KIAA1671: variants seen among roughly 807,000 people sequenced by gnomAD.
KIAA1671 encodes uncharacterized protein KIAA1671.
KIAA1671 carries 52 observed loss-of-function variants against 131.2 expected under a neutral mutation model. The ratio of observed to expected loss-of-function variants is 0.40; its 90% CI spans 0.32 to 0.50. The LOEUF (loss-of-function observed/expected upper bound fraction) is 0.50. Among genes scored for constraint, KIAA1671 ranks in the 20% least tolerant of loss-of-function variants. KIAA1671 has a pLI of 0.73. For synonymous variants in KIAA1671, 1,003 were observed against 961.6 expected, an observed-to-expected ratio of 1.04 and a Z score of -0.80; for missense variants, 2,360 against 2,364.2, an observed-to-expected ratio of 1.00 and a Z score of 0.04.
intron 6 of KIAA1671, among the ~76,000 whole-genome samples, chr22:25,073,439 G>A (rs965912493): frequency 4.6e-5 from 7 of 152,066 alleles, no homozygotes; most frequent in Non-Finnish European, 8.8e-5. Context: ...AGATGTTTTG[G>A]TATATATACA....
intron 6 of KIAA1671, among the ~76,000 whole-genome samples, chr22:25,153,297 A>G (rs113409964): frequency 0.028 from 4,225 of 152,002 alleles, 91 homozygotes; most frequent in Middle Eastern, 0.061. Context: ...GTAGTTCTCA[A>G]CCTGGTGTGA....
chr22:25,078,813 A>G (rs1358179633), intron 6 of KIAA1671, among the ~76,000 whole-genome samples: 1 of 152,150 alleles, frequency 6.6e-6, no homozygotes, highest in Non-Finnish European at 1.5e-5. Context: ...GCCATGGAAC[A>G]GTTTGCATCA....
intron 6 of KIAA1671, among the ~76,000 whole-genome samples, chr22:25,099,844 A>G (rs1402497158): frequency 6.6e-6 from 1 of 152,012 alleles, no homozygotes; most frequent in African/African-American, 2.4e-5. Context: ...ACTCGTTCCA[A>G]TGGTGGGATT....
At chr22:25,001,095 C>CTT (rs1374826838) in intron 1 of KIAA1671, among the ~76,000 whole-genome samples, 1 of 150,400 alleles carries the variant, frequency 6.6e-6, no homozygotes, top group Non-Finnish European at 1.5e-5. Context: ...ACTGAGTTGT[C>CTT]TTTTTTCTTA....
chr22:24,969,792 C>T (rs144144585), intron 1 of KIAA1671, among the ~76,000 whole-genome samples: 21 of 152,274 alleles, frequency 1.4e-4, no homozygotes, highest in Admixed American at 1.1e-3. Context: ...GCTTTGTGAC[C>T]GTAGGGAGAT....
At chr22:25,057,857 T>A (rs1021296395) in intron 6 of KIAA1671, 2 of 152,274 alleles carry the variant, frequency 1.3e-5, no homozygotes, top group Non-Finnish European at 2.9e-5. Flanking sequence ...CCCAGGCTGG[T>A]CTTAAACTCC....
intron 1 of KIAA1671, among the ~76,000 whole-genome samples, chr22:24,953,198 A>G (rs566235998): frequency 1.3e-5 from 2 of 152,234 alleles, no homozygotes; most frequent in South Asian, 2.1e-4. Context: ...GAGAGGATCA[A>G]TCTCCTCCCA....
At chr22:24,964,190 A>G (rs1199502120) in intron 1 of KIAA1671, among the ~76,000 whole-genome samples, 1 of 150,574 alleles carries the variant, frequency 6.6e-6, no homozygotes, top group Non-Finnish European at 1.5e-5. Context: ...TTAGCTAGGC[A>G]TGGTGGTGCA....
At chr22:25,127,656 A>T (rs1465842139) in intron 6 of KIAA1671, among the ~76,000 whole-genome samples, 1 of 152,244 alleles carries the variant, frequency 6.6e-6, no homozygotes, top group Non-Finnish European at 1.5e-5. Context: ...GGAAGGGTTA[A>T]GTAGGAGGCA....
rs555712642 is a variant in KIAA1671, at chr22:25,109,394, C to T, written c.4530+60030C>T. The stretch of plus-strand genomic sequence containing the variant: ...AAGTGCTGGGATTACAGACATGAGC[C>T]GCCGCACCTGGCCCATCACTTCTTC... On this transcript the variant is annotated intron_variant, in intron 6 of 12. Coordinates refer to ENST00000358431, the MANE Select transcript of KIAA1671 (RefSeq NM_001145206.2). Among the ~76,000 whole-genome samples the T allele has an allele frequency of 1.5e-4, 23 of 152,246 alleles. 1 individual carries two copies. In the Middle Eastern group the frequency reaches 0.017, roughly 113 times the overall value.
In KIAA1671 at chr22:25,105,219, G is replaced by A. The variant is rs911624416; in HGVS notation, c.4530+55855G>A. Among the ~76,000 whole-genome samples, 10 of 151,918 alleles carry A rather than the reference G, an allele frequency of 6.6e-5. No individual in the cohort carries two copies. The East Asian group carries it at 9.7e-4, about 15-fold the overall frequency. ...ACATTTTTAGTAGATATGGGGTTTC[G>A]CCATGTTGGCCATGCTGGTCTCAAA... is the stretch of plus-strand genomic sequence containing the variant. On this transcript the variant is annotated intron_variant, in intron 6 of 12. Transcript: ENST00000358431.
chr22:25,096,507 C>T (rs1022288776), intron 6 of KIAA1671, among the ~76,000 whole-genome samples: 4 of 152,172 alleles, frequency 2.6e-5, no homozygotes, highest in Non-Finnish European at 4.4e-5. Context: ...GTTGCCCGTC[C>T]GCTGGTCTTT....
intron 3 of KIAA1671, among the ~76,000 whole-genome samples, chr22:25,032,073 T>C (rs1360273226): frequency 6.6e-6 from 1 of 152,180 alleles, no homozygotes; most frequent in African/African-American, 2.4e-5. Flanking sequence ...GCCCTGGTGA[T>C]CCAGAGAGGC....
chr22:25,101,986 C>T (rs777826251), intron 6 of KIAA1671, among the ~76,000 whole-genome samples: 1 of 152,154 alleles, frequency 6.6e-6, no homozygotes, highest in Non-Finnish European at 1.5e-5. Flanking sequence ...GGAGGTGTCT[C>T]AGAGGCGGGA....
At position 25,130,472 on chromosome 22, in the gene KIAA1671, C is replaced by G. The variant is rs61174035; in HGVS notation, c.4531-40348C>G. Among the ~76,000 whole-genome samples the G allele has an allele frequency of 5.0e-3, 768 of 152,214 alleles. 5 individuals are homozygous for G. The highest frequency in any genetic ancestry group is 0.018 in the African/African-American group (727 of 41,520). On this transcript the variant is annotated intron_variant, in intron 6 of 12. Coordinates refer to ENST00000358431, the MANE Select transcript of KIAA1671 (RefSeq NM_001145206.2). ...CTACTTGTAATCGTCATTACATAAC[C>G]CGATTAGCTGTTATATAAATGTATG... is the stretch of plus-strand genomic sequence containing the variant.
intron 4 of KIAA1671, among the ~76,000 whole-genome samples, chr22:25,038,282 G>A (rs1051318228): frequency 6.6e-5 from 10 of 152,106 alleles, no homozygotes. Context: ...GATTACAGGC[G>A]TGAGCCACCG....
At chr22:25,137,106 G>A (rs1025994296) in intron 6 of KIAA1671, among the ~76,000 whole-genome samples, 2 of 152,206 alleles carry the variant, frequency 1.3e-5, no homozygotes, top group African/African-American at 4.8e-5. Context: ...ATGACTGGGA[G>A]TCGCTGCCTG....
At chr22:25,048,371 T>A (rs11090366) in intron 5 of KIAA1671, among the ~76,000 whole-genome samples, 36,969 of 151,988 alleles carry the variant, frequency 0.24, 6,615 homozygotes, top group African/African-American at 0.51. Flanking sequence ...AAAGGAGAAA[T>A]GGCTCTGCGG....
chr22:25,081,331 G>A lies in KIAA1671; in HGVS notation c.4530+31967G>A, dbSNP rs77032838. Among the ~76,000 whole-genome samples, 22 of 152,320 alleles carry A rather than the reference G, an allele frequency of 1.4e-4. No homozygotes were observed. The East Asian group carries it at 1.5e-3, about 11-fold the overall frequency. On this transcript the variant is annotated intron_variant, in intron 6 of 12. Coordinates refer to ENST00000358431, the MANE Select transcript of KIAA1671 (RefSeq NM_001145206.2). The stretch of plus-strand genomic sequence containing the variant: ...TCAGACAGATGTGGGTTCTAATCCA[G>A]CCCTCGCTGCTCTGTGACATTGAAC...
Sources: gnomAD v4.1 joint callset for allele counts (sites outside exome capture counted in the v4.1 genomes callset) on GRCh38, gnomAD v4.1.1 for gene constraint, MANE v1.5 for transcripts, NCBI Gene and HGNC (gene_info 2026-07-23, HGNC 2026-07-21) for gene names.